METTL25: variants seen among roughly 807,000 people sequenced by gnomAD.
METTL25 encodes the protein probable methyltransferase-like protein 25.
Under a neutral mutation model 71.6 loss-of-function variants are expected in METTL25, and 64 were observed. The observed-to-expected ratio is 0.89, with a 90% CI of 0.73 to 1.10. METTL25 has a LOEUF of 1.10. Ranked by LOEUF, METTL25 falls within the 50% of genes least tolerant of loss-of-function variation. METTL25 has a pLI of 0.00. For missense variants in METTL25, 807 were observed against 707.0 expected (o/e 1.14, Z -1.60); for synonymous variants, 287 against 250.3 (o/e 1.15, Z -1.38).
At chr12:82,465,638 C>T (rs1829761430) in intron 9 of METTL25, among the ~76,000 whole-genome samples, 2 of 151,886 alleles carry the variant, frequency 1.3e-5, no homozygotes, top group African/African-American at 2.4e-5. Flanking sequence ...GTAAGAATTC[C>T]CTACACTTTA....
chr12:82,456,677 C>A (rs370264183), intron 8 of METTL25, 50 bp from the exon 9 acceptor site: 1 of 1,033,866 alleles, frequency 9.7e-7, no homozygotes, highest in Non-Finnish European at 1.4e-6. Flanking sequence ...TTAAAACCAT[C>A]TAAAATTTAC....
intron 1 of METTL25, among the ~76,000 whole-genome samples, chr12:82,359,206 T>C (rs144791010): frequency 6.6e-6 from 1 of 151,982 alleles, no homozygotes; most frequent in Non-Finnish European, 1.5e-5. Context: ...TTTCAAGTGG[T>C]GGTAATGAAG....
chr12:82,368,068 C>T (rs923412044), intron 1 of METTL25, among the ~76,000 whole-genome samples: 5 of 151,894 alleles, frequency 3.3e-5, no homozygotes, highest in African/African-American at 1.2e-4. Flanking sequence ...TAAATAATAG[C>T]CACCTTCTTC....
rs117648646 is a variant in METTL25, at chr12:82,437,633, T to C, written c.1405-1085T>C. On this transcript the variant is annotated intron_variant, in intron 7 of 11. Transcript: ENST00000248306. ...CTCCATCTGAATTAATTAAAACATA[T>C]TTATTCTAGTTGAAAACATGTGAAA... Among the ~76,000 whole-genome samples the C allele has an allele frequency of 4.0e-5, 6 of 151,768 alleles. No homozygotes were observed. The East Asian group carries it at 9.7e-4, about 25-fold the overall frequency.
chr12:82,405,494 A>G (rs17775000), intron 5 of METTL25, among the ~76,000 whole-genome samples: 5,002 of 152,276 alleles, frequency 0.033, 92 homozygotes, highest in Admixed American at 0.041. Flanking sequence ...CTTCAATCTC[A>G]TACTTAAAAA....
chr12:82,399,201 C>A lies in METTL25; in HGVS notation c.938C>A (p.Ser313Tyr). 2 of 1,613,146 alleles carry A rather than the reference C, an allele frequency of 1.2e-6. No individual in the cohort carries two copies. The highest frequency in any genetic ancestry group is 1.3e-5 in the African/African-American group (1 of 74,920). ...AATTTGTGTTTTGAAAATTCCTTTT[C>A]TCTTATAAACCTTTTGCCTATTAAT... ...EENLCFENSF[S>Y]LINLLPINAV... Residue 313 changes from serine (S) to tyrosine (Y), a missense_variant, in exon 4 of 12, where the codon TCT becomes TAT. Ser to Tyr is a moderately radical substitution (Grantham distance 144). Transcript: ENST00000248306.
intron 9 of METTL25, among the ~76,000 whole-genome samples, chr12:82,470,033 C>A (rs1268847344): frequency 6.6e-6 from 1 of 152,136 alleles, no homozygotes; most frequent in African/African-American, 2.4e-5. Flanking sequence ...TGTATGTTCT[C>A]TTTAGACTCC....
intron 1 of METTL25, among the ~76,000 whole-genome samples, chr12:82,366,943 A>G (rs1882641927): frequency 6.6e-6 from 1 of 152,234 alleles, no homozygotes; most frequent in African/African-American, 2.4e-5. Flanking sequence ...TTCTGTAATC[A>G]TAAGTAAGAG....
At chr12:82,448,863 G>T (rs1346592004) in intron 8 of METTL25, among the ~76,000 whole-genome samples, 1 of 151,994 alleles carries the variant, frequency 6.6e-6, no homozygotes, top group East Asian at 1.9e-4. Flanking sequence ...CATACAAAAG[G>T]CACAAAATAA....
chr12:82,408,900 A>G (rs895822055), intron 5 of METTL25, among the ~76,000 whole-genome samples: 7 of 152,120 alleles, frequency 4.6e-5, no homozygotes, highest in Admixed American at 1.3e-4. Flanking sequence ...GAATGGTCAA[A>G]TATGTCATGT....
intron 3 of METTL25, 112 bp downstream of exon 3, chr12:82,390,034 G>A: frequency 1.5e-6 from 1 of 645,516 alleles, no homozygotes; most frequent in Non-Finnish European, 2.8e-6. Flanking sequence ...TTAAATAATA[G>A]CATCATTTAA....
At chr12:82,402,954 A>G in intron 4 of METTL25, 29 bp from the exon 5 acceptor site, 1 of 1,547,088 alleles carries the variant, frequency 6.5e-7, no homozygotes, top group Non-Finnish European at 8.7e-7. Flanking sequence ...TTAATTACCA[A>G]ATTTTATTTT....
chr12:82,361,642 T>G (rs2136788502), intron 1 of METTL25, among the ~76,000 whole-genome samples: 1 of 152,292 alleles, frequency 6.6e-6, no homozygotes, highest in South Asian at 2.1e-4. Flanking sequence ...TGGTGCATCC[T>G]CCGCAGCTGC....
chr12:82,421,192 A>G (rs1888453752), intron 5 of METTL25, among the ~76,000 whole-genome samples: 1 of 152,126 alleles, frequency 6.6e-6, no homozygotes, highest in African/African-American at 2.4e-5. Flanking sequence ...AAAGATCATC[A>G]TGGTTGCAGA....
chr12:82,448,831 T>A (rs149470187), intron 8 of METTL25, among the ~76,000 whole-genome samples: 1,862 of 152,284 alleles, frequency 0.012, 17 homozygotes, highest in South Asian at 0.038. Flanking sequence ...GTTGATCTTT[T>A]AAGTCTTTCA....
In METTL25 at chr12:82,386,520, CTCTCTG is replaced by C. The variant is rs1464870845; in HGVS notation, c.260-271_260-266del. On this transcript the variant is annotated intron_variant, in intron 1 of 11. Coordinates refer to ENST00000248306, the MANE Select transcript of METTL25 (RefSeq NM_032230.3). ...CTCCCTTCCTTCCTCCCTTTTCTCT[CTCTCTG>C]TCTCTGTCTCTTTCTTTCCATAAAA... Among the ~76,000 whole-genome samples the C allele has an allele frequency of 3.8e-5, 4 of 106,320 alleles. No homozygotes were observed. In the East Asian group the frequency reaches 1.3e-3, roughly 33 times the overall value. 69.8% of individuals were successfully genotyped at this position (106,320 alleles called of 152,430 possible). A position where few individuals can be genotyped will look rare whatever the true frequency, so the allele number is the denominator to read the frequency against.
At chr12:82,419,534 C>T (rs1031204506) in intron 5 of METTL25, among the ~76,000 whole-genome samples, 3 of 151,964 alleles carry the variant, frequency 2.0e-5, no homozygotes, top group African/African-American at 4.8e-5. Context: ...GACAATGTGC[C>T]TGGCCATGCA....
At chr12:82,407,834 C>G (rs553182776) in intron 5 of METTL25, 5 of 985,320 alleles carry the variant, frequency 5.1e-6, no homozygotes, top group Middle Eastern at 1.0e-3. Context: ...TAGCCCTGGA[C>G]TGCCACATTT....
At chr12:82,458,561 A>T (rs1210885847) in intron 9 of METTL25, among the ~76,000 whole-genome samples, 2 of 152,194 alleles carry the variant, frequency 1.3e-5, no homozygotes, top group East Asian at 3.9e-4. Context: ...AGAACCACTC[A>T]TAAGAGACCA....
Sources: allele counts gnomAD v4.1 joint callset (sites outside exome capture counted in the v4.1 genomes callset), GRCh38; gene constraint gnomAD v4.1.1; transcripts MANE v1.5; gene names NCBI Gene and HGNC (gene_info 2026-07-23, HGNC 2026-07-21).